Variants in DYNC1H1 observed in about 807,000 individuals in gnomAD.
DYNC1H1 encodes the protein cytoplasmic dynein 1 heavy chain 1.
In DYNC1H1, 51 loss-of-function variants were observed where a neutral mutation model predicts 527.1. The observed-to-expected ratio is 0.10, with a 90% CI of 0.08 to 0.12. The LOEUF is 0.12. Among genes scored for constraint, DYNC1H1 ranks in the 10% least tolerant of loss-of-function variants. The pLI is 1.00. For synonymous variants in DYNC1H1, 2,189 were observed against 2,278.8 expected, an observed-to-expected ratio of 0.96 and a Z score of 1.12; for missense variants, 2,771 against 5,971.8, an observed-to-expected ratio of 0.46 and a Z score of 17.66.
chr14:102,017,751 G>A lies in DYNC1H1; in HGVS notation c.8177+247G>A. On this transcript the variant is annotated intron_variant, in intron 40 of 77. Coordinates refer to ENST00000360184, the MANE Select transcript of DYNC1H1 (RefSeq NM_001376.5). The surrounding 1 kb of genome is among the most constrained non-coding windows in gnomAD (Gnocchi z 4.6). ...GGAGGCCGAGGCGGGCGGATCACGA[G>A]GTCAGGAGATTGAGACCATCCTGGC... is the stretch of plus-strand genomic sequence containing the variant. 1 of 572,710 alleles carries A rather than the reference G, an allele frequency of 1.7e-6. No individual in the cohort carries two copies. The highest frequency in any genetic ancestry group is 3.0e-6 in the Non-Finnish European group (1 of 337,324). 35.5% of individuals were successfully genotyped at this position (572,710 alleles called of 1,614,324 possible). A position where few individuals can be genotyped will look rare whatever the true frequency, so the allele number is the denominator to read the frequency against.
At position 102,027,748 on chromosome 14, in the gene DYNC1H1, C is replaced by T. The variant is rs773658296; in HGVS notation, c.9178C>T (p.Arg3060Cys). ...LYKWFTSQVI[R>C]NLHVVFTMNP... is the part of the protein sequence containing the mutation. The stretch of plus-strand genomic sequence containing the variant: ...CAAGTGGTTCACTAGCCAGGTTATC[C>T]GCAACCTCCACGTCGTGTTCACCAT... The change falls in exon 47 of 78, where the codon CGC becomes TGC. Residue 3060 changes from arginine (R) to cysteine (C), a missense_variant. By Grantham distance (180) the Arg-to-Cys change is radical. Coordinates refer to ENST00000360184, the MANE Select transcript of DYNC1H1 (RefSeq NM_001376.5). The surrounding 1 kb of genome is among the most constrained non-coding windows in gnomAD (Gnocchi z 7.7). 2.7e-5 allele frequency: 44 copies of T among 1,614,030 alleles called. No homozygotes were observed. Among genetic ancestry groups the T allele is most frequent in the Non-Finnish European group, 3.2e-5 (38 of 1,180,046 alleles).
Position 102,050,328 on chromosome 14 carries a change from G to T in DYNC1H1, c.13813-107G>T, listed in dbSNP as rs1268593184. 12 of 1,609,630 alleles carry T rather than the reference G, an allele frequency of 7.5e-6. No individual in the cohort carries two copies. The Admixed American group carries it at 1.5e-4, about 20-fold the overall frequency. On this transcript the variant is annotated intron_variant, in intron 77 of 77. Coordinates refer to ENST00000360184, the MANE Select transcript of DYNC1H1 (RefSeq NM_001376.5). ...GAGGTTCACAGAGGAAATCCATTTC[G>T]CACCTGTCCAAACCTCTCCTTGCCG...
At chr14:102,045,889 G>A (rs1356737699) in intron 72 of DYNC1H1, among the ~76,000 whole-genome samples, 4 of 151,950 alleles carry the variant, frequency 2.6e-5, no homozygotes, top group African/African-American at 4.8e-5. Flanking sequence ...GTTCCCAGCC[G>A]GGCACGGTGG....
chr14:101,970,470 G>GTTTTTTTTTTTTTTTTTTTTT (rs1324948272), intron 1 of DYNC1H1, among the ~76,000 whole-genome samples: 6 of 96,276 alleles, frequency 6.2e-5, no homozygotes, highest in Admixed American at 1.0e-4. Flanking sequence ...TTGGTTTGTT[G>GTTTTTTTTTTTTTTTTTTTTT]TTGTTTTTTT....
rs367593677 is a variant in DYNC1H1, at chr14:101,994,662, T to C, written c.3157-11T>C. On this transcript the variant is annotated splice_polypyrimidine_tract_variant and intron_variant, in intron 12 of 77. Coordinates refer to ENST00000360184, the MANE Select transcript of DYNC1H1 (RefSeq NM_001376.5). ...CTCAAACTATTATTTAACTGTGTTC[T>C]TCATTTGCAGGTTTGGCTTCAGTAT... The C allele has an allele frequency of 1.7e-4, 277 of 1,614,088 alleles. No individual in the cohort carries two copies. In the African/African-American group the frequency reaches 3.3e-3, roughly 19 times the overall value.
Position 102,029,781 on chromosome 14 carries a change from C to T in DYNC1H1, c.9643-38C>T, listed in dbSNP as rs2048489794. On this transcript the variant is annotated intron_variant, in intron 49 of 77. Coordinates refer to ENST00000360184, the MANE Select transcript of DYNC1H1 (RefSeq NM_001376.5). The surrounding 1 kb of genome is among the most constrained non-coding windows in gnomAD (Gnocchi z 5.3). Reference sequence around the variant, plus strand: ...AGGACCCCTTTCCATATAATTTCTGCATGTTTCTCGTCTCTGAGTGTGGGC... The same window carrying T: ...AGGACCCCTTTCCATATAATTTCTGTATGTTTCTCGTCTCTGAGTGTGGGC... 1 of 1,614,192 alleles carries T rather than the reference C, an allele frequency of 6.2e-7. No homozygotes were observed. The highest frequency in any genetic ancestry group is 8.5e-7 in the Non-Finnish European group (1 of 1,180,046).
At position 102,032,568 on chromosome 14, in the gene DYNC1H1, C is replaced by G. The variant is rs538895754; in HGVS notation, c.10079+101C>G. The G allele has an allele frequency of 2.1e-6, 3 of 1,459,786 alleles. 1 individual carries two copies. Among genetic ancestry groups the G allele is most frequent in the Non-Finnish European group, 1.9e-6 (2 of 1,058,894 alleles). 90.4% of individuals were successfully genotyped at this position (1,459,786 alleles called of 1,614,324 possible). A position where few individuals can be genotyped will look rare whatever the true frequency, so the allele number is the denominator to read the frequency against. On this transcript the variant is annotated intron_variant, in intron 52 of 77. Transcript: ENST00000360184. ...TCCAATCCCAGAACTTTCGGCTGTT[C>G]AGGCCAGGCACAGTGGCTCACGGCT...
rs201575292 is a variant in DYNC1H1 at position 102,047,967 on chromosome 14, A to C, written c.13157A>C (p.Asn4386Thr). 1.2e-6 allele frequency: 2 copies of C among 1,612,954 alleles called. No homozygotes were observed. Among genetic ancestry groups the C allele is most frequent in the Non-Finnish European group, 1.7e-6 (2 of 1,180,006 alleles). ...WMRTLHTTAS[N>T]WLHLIPQTLS... ...CGGACACTGCACACCACCGCGTCCAACTGGCTGCACCTCATCCCCCAGACG... is the reference window on the plus strand; with the variant it reads ...CGGACACTGCACACCACCGCGTCCACCTGGCTGCACCTCATCCCCCAGACG... The change falls in exon 73 of 78, where the codon AAC becomes ACC. Residue 4386 changes from asparagine to threonine, a missense_variant. By Grantham distance (65) the Asn-to-Thr change is moderately conservative (BLOSUM62 0). Around this residue, in one of 32 missense-constraint regions of DYNC1H1, gnomAD observed 170 missense variants for 249.8 expected, o/e 0.68. Coordinates refer to ENST00000360184, the MANE Select transcript of DYNC1H1 (RefSeq NM_001376.5).
At position 102,039,295 on chromosome 14, in the gene DYNC1H1, A is replaced by G; in HGVS notation, c.11460+41A>G. The stretch of plus-strand genomic sequence containing the variant: ...ATGCAGAGACTGGCGGGCCCCGCAC[A>G]GTAGCTCCTTGGCCGCACAGAGGCT... On this transcript the variant is annotated intron_variant, in intron 60 of 77. Coordinates refer to ENST00000360184, the MANE Select transcript of DYNC1H1 (RefSeq NM_001376.5). The surrounding 1 kb of genome is among the most constrained non-coding windows in gnomAD (Gnocchi z 7.0). 1 of 1,611,338 alleles carries G rather than the reference A, an allele frequency of 6.2e-7. No homozygotes were observed. Among genetic ancestry groups the G allele is most frequent in the Non-Finnish European group, 8.5e-7 (1 of 1,179,828 alleles).
At chr14:101,988,919 C>T in intron 10 of DYNC1H1, 67 bp downstream of exon 10, 2 of 1,598,432 alleles carry the variant, frequency 1.3e-6, no homozygotes, top group Non-Finnish European at 1.7e-6. Flanking sequence ...TTAAAAAACA[C>T]CTATGGAAAG....
rs976190456 is a variant in DYNC1H1 at position 102,030,832 on chromosome 14, G to A, written c.9883+550G>A. On this transcript the variant is annotated intron_variant, in intron 51 of 77. Transcript: ENST00000360184. ...GTAAGACTGCTCTCAGCCAGGCGAGGTGGCTCGCACTAATCCCAGCACTTT... is the reference window on the plus strand; with the variant it reads ...GTAAGACTGCTCTCAGCCAGGCGAGATGGCTCGCACTAATCCCAGCACTTT... 3.5e-5 allele frequency: 6 copies of A among 169,748 alleles called. No homozygotes were observed. In the East Asian group the frequency reaches 8.4e-4, roughly 24 times the overall value. The allele number at this position is 169,748 out of a possible 1,614,324, so 10.5% of individuals were successfully genotyped here. A position where few individuals can be genotyped will look rare whatever the true frequency, so the allele number is the denominator to read the frequency against.
intron 43 of DYNC1H1, 128 bp from the exon 44 acceptor site, chr14:102,026,437 TTTTGCTATG>T: frequency 1.1e-6 from 1 of 943,276 alleles, no homozygotes; most frequent in Non-Finnish European, 1.6e-6. Context: ...ATTTATATTT[TTTTGCTATG>T]TTATAAATGA....
At chr14:102,030,661 T>G (rs1199443882) in intron 51 of DYNC1H1, 3 of 298,264 alleles carry the variant, frequency 1.0e-5, no homozygotes, top group Admixed American at 4.9e-5. Flanking sequence ...TGTAATTGTT[T>G]CTGAGTGTTC....
intron 42 of DYNC1H1, among the ~76,000 whole-genome samples, chr14:102,022,096 A>G (rs1043232977): frequency 1.3e-5 from 2 of 151,942 alleles, no homozygotes; most frequent in Non-Finnish European, 2.9e-5. Context: ...AGATCGCGCC[A>G]CTGCACTTCA....
At position 101,988,704 on chromosome 14, in the gene DYNC1H1, T is replaced by C; in HGVS notation, c.2720T>C (p.Ile907Thr). Reference sequence around the variant, plus strand: ...TCTCTGATATAACGTTGTCTGTAGATTGAAAGAATATTGGGCGTCCGTCTG... The same window carrying C: ...TCTCTGATATAACGTTGTCTGTAGACTGAAAGAATATTGGGCGTCCGTCTG... ...PIWVNKLDME[I>T]ERILGVRLQA... Residue 907 changes from isoleucine to threonine, a missense_variant and splice_region_variant, in exon 10 of 78, where the codon ATT becomes ACT. Physicochemically the swap from Ile to Thr is moderately conservative, Grantham distance 89. Transcript: ENST00000360184. The C allele has an allele frequency of 1.2e-6, 2 of 1,614,138 alleles. No individual in the cohort carries two copies. Among genetic ancestry groups the C allele is most frequent in the Non-Finnish European group, 1.7e-6 (2 of 1,180,028 alleles).
Position 101,986,743 on chromosome 14 carries a change from G to A in DYNC1H1, c.2518G>A (p.Val840Ile), listed in dbSNP as rs1473561672. The A allele has an allele frequency of 1.9e-6, 3 of 1,614,212 alleles. No homozygotes were observed. Among genetic ancestry groups the A allele is most frequent in the Non-Finnish European group, 1.7e-6 (2 of 1,180,048 alleles). The change falls in exon 8 of 78, where the codon GTC becomes ATC. Residue 840 changes from valine (V) to isoleucine (I), a missense_variant. Coordinates refer to ENST00000360184, the MANE Select transcript of DYNC1H1 (RefSeq NM_001376.5). The surrounding 1 kb of genome is among the most constrained non-coding windows in gnomAD (Gnocchi z 8.7). ...ATATGTACAGCGCTTAGCAGAGACT[G>A]TCTTCAACTTCCAAGAAAAGGTATG... Reference protein sequence around the residue: ...DPYVQRLAETVFNFQEKVDDL... With the variant: ...DPYVQRLAETIFNFQEKVDDL...
chr14:102,044,420 T>C lies in DYNC1H1; in HGVS notation c.12831T>C (p.Ser4277=). The C allele has an allele frequency of 6.2e-7, 1 of 1,613,328 alleles. No individual in the cohort carries two copies. Among genetic ancestry groups the C allele is most frequent in the African/African-American group, 1.3e-5 (1 of 74,724 alleles). The part of the protein sequence containing the change: ...TFLERLFTTR[S]FDSEFKLACK... ...TGGAGCGCCTGTTCACAACCAGGAG[T>C]TTCGACAGTGAGTTTAAGCTGGCAT... Residue 4277 remains serine, a synonymous_variant, in exon 71 of 78, where the codon AGT becomes AGC. Transcript: ENST00000360184. This position sits in a 1 kb window ranked among gnomAD's most constrained non-coding sequence, Gnocchi z 7.1.
At position 102,055,558 on chromosome 14, in the gene DYNC1H1, C is replaced by G. The variant is rs1485176355; in HGVS notation, c.*4995C>G. 1 of 152,972 alleles carries G rather than the reference C, an allele frequency of 6.5e-6. No individual in the cohort carries two copies. Among genetic ancestry groups the G allele is most frequent in the Non-Finnish European group, 1.5e-5 (1 of 68,480 alleles). 9.5% of individuals were successfully genotyped at this position (152,972 alleles called of 1,614,324 possible). ...CCCTCCGGACATCTGTTCAGCACCC[C>G]CCTCGACCTGGCCAAGGCTCCACGC... On this transcript the variant is annotated 3_prime_UTR_variant, in exon 78 of 78. Coordinates refer to ENST00000360184, the MANE Select transcript of DYNC1H1 (RefSeq NM_001376.5).
intron 23 of DYNC1H1, among the ~76,000 whole-genome samples, chr14:102,003,999 T>C (rs959250575): frequency 6.6e-6 from 1 of 151,638 alleles, no homozygotes; most frequent in Non-Finnish European, 1.5e-5. Flanking sequence ...CCCAGCACTT[T>C]GGGTGGCCGA....
Sources: gnomAD v4.1 joint callset for allele counts (sites outside exome capture counted in the v4.1 genomes callset) on GRCh38, gnomAD v4.1.1 for gene constraint, gnomAD v4.1.1 regional missense constraint, Gnocchi (gnomAD v3.1) non-coding constraint, MANE v1.5 for transcripts, NCBI Gene and HGNC (gene_info 2026-07-23, HGNC 2026-07-21) for gene names.